The following ZMAT4 variants were observed in gnomAD, a reference collection of about 807,000 sequenced individuals.
The protein encoded by ZMAT4 is zinc finger matrin-type 4.
A neutral mutation model predicts 28.7 loss-of-function variants in ZMAT4; 17 were observed. The ratio of observed to expected loss-of-function variants is 0.59; its 90% CI spans 0.41 to 0.89. ZMAT4 has a LOEUF of 0.89. Among genes scored for constraint, ZMAT4 ranks in the 40% least tolerant of loss-of-function variants. ZMAT4 has a pLI of 0.00. For synonymous variants in ZMAT4, 117 were observed against 109.2 expected, an observed-to-expected ratio of 1.07 and a Z score of -0.44; for missense variants, 240 against 283.8, an observed-to-expected ratio of 0.85 and a Z score of 1.11.
chr8:40,777,380 T>C (rs531901213), intron 2 of ZMAT4, among the ~76,000 whole-genome samples: 2 of 152,320 alleles, frequency 1.3e-5, no homozygotes, highest in East Asian at 3.9e-4. Context: ...CAACCTAATC[T>C]GAATTCAGAC....
chr8:40,870,223 C>A (rs1163640716), intron 1 of ZMAT4, among the ~76,000 whole-genome samples: 1 of 152,154 alleles, frequency 6.6e-6, no homozygotes, highest in African/African-American at 2.4e-5. Context: ...AGCCTTTGTT[C>A]ATCATGCATT....
chr8:40,731,403 A>G (rs2150526357), intron 3 of ZMAT4, among the ~76,000 whole-genome samples: 1 of 132,390 alleles, frequency 7.6e-6, no homozygotes, highest in South Asian at 2.8e-4. Flanking sequence ...TGGCACAGAG[A>G]CAGCCTACAA....
intron 5 of ZMAT4, among the ~76,000 whole-genome samples, chr8:40,605,897 T>C (rs1017069572): frequency 1.3e-5 from 2 of 152,236 alleles, no homozygotes; most frequent in Non-Finnish European, 2.9e-5. Flanking sequence ...TATTTTCCTG[T>C]TGGACTAGTA....
At chr8:40,786,318 C>T (rs999112742) in intron 2 of ZMAT4, among the ~76,000 whole-genome samples, 3 of 152,050 alleles carry the variant, frequency 2.0e-5, no homozygotes, top group Non-Finnish European at 4.4e-5. Context: ...TATTAATATT[C>T]GTAGGCTTTT....
chr8:40,641,922 G>A (rs143580344), intron 5 of ZMAT4, among the ~76,000 whole-genome samples: 17 of 151,958 alleles, frequency 1.1e-4, no homozygotes, highest in Non-Finnish European at 1.6e-4. Flanking sequence ...GCGAGAATCC[G>A]TCTAAAATAA....
intron 3 of ZMAT4, among the ~76,000 whole-genome samples, chr8:40,736,738 C>T (rs1348365389): frequency 6.6e-6 from 1 of 152,164 alleles, no homozygotes; most frequent in Non-Finnish European, 1.5e-5. Flanking sequence ...CAATTGAGAA[C>T]AGTCCTCTGG....
intron 6 of ZMAT4, among the ~76,000 whole-genome samples, chr8:40,551,982 G>C (rs1055821645): frequency 6.6e-6 from 1 of 152,128 alleles, no homozygotes; most frequent in African/African-American, 2.4e-5. Flanking sequence ...AAATGTGCAC[G>C]CCTTAAGAAC....
chr8:40,839,496 T>C (rs1171113512), intron 1 of ZMAT4, among the ~76,000 whole-genome samples: 1 of 152,130 alleles, frequency 6.6e-6, no homozygotes, highest in Non-Finnish European at 1.5e-5. Flanking sequence ...GGAAAAGAAA[T>C]CAATATACCA....
intron 2 of ZMAT4, chr8:40,808,466 T>G (rs1177316262): frequency 2.3e-6 from 1 of 433,340 alleles, no homozygotes; most frequent in Non-Finnish European, 4.6e-6. Flanking sequence ...GTTAACATCT[T>G]TCTAACGGTT....
At chr8:40,634,617 A>C (rs930923510) in intron 5 of ZMAT4, among the ~76,000 whole-genome samples, 8 of 152,214 alleles carry the variant, frequency 5.3e-5, no homozygotes, top group African/African-American at 1.7e-4. Context: ...AGAAGTTTTA[A>C]GTCTATATGC....
intron 3 of ZMAT4, among the ~76,000 whole-genome samples, chr8:40,719,294 T>G (rs1201467070): frequency 6.6e-6 from 1 of 151,912 alleles, no homozygotes; most frequent in Non-Finnish European, 1.5e-5. Context: ...CACAAAAAAA[T>G]TACCCAGGCG....
chr8:40,796,746 T>G (rs538486525), intron 2 of ZMAT4, among the ~76,000 whole-genome samples: 22 of 152,330 alleles, frequency 1.4e-4, no homozygotes, highest in African/African-American at 5.3e-4. Flanking sequence ...CCCTTTTGCT[T>G]CTTCATCAGA....
intron 1 of ZMAT4, among the ~76,000 whole-genome samples, chr8:40,883,289 C>T (rs1380370522): frequency 6.6e-6 from 1 of 152,186 alleles, no homozygotes; most frequent in Non-Finnish European, 1.5e-5. Flanking sequence ...TCCTTCCTGA[C>T]AAGTCACATG....
chr8:40,554,725 G>T (rs1035163483), intron 6 of ZMAT4, among the ~76,000 whole-genome samples: 1 of 152,058 alleles, frequency 6.6e-6, no homozygotes, highest in South Asian at 2.1e-4. Flanking sequence ...GTGATATATT[G>T]TTACACACAT....
At chr8:40,718,624 A>G (rs1212095111) in intron 3 of ZMAT4, among the ~76,000 whole-genome samples, 1 of 152,214 alleles carries the variant, frequency 6.6e-6, no homozygotes, top group Non-Finnish European at 1.5e-5. Context: ...GAGAACAGCT[A>G]CTGCACAATT....
chr8:40,890,675 G>GT (rs1818636563), intron 1 of ZMAT4, among the ~76,000 whole-genome samples: 1 of 152,142 alleles, frequency 6.6e-6, no homozygotes, highest in Non-Finnish European at 1.5e-5. Context: ...CTGCCTGACA[G>GT]TTTTCTGCTC....
rs75785542 is a variant in ZMAT4 at position 40,877,132 on chromosome 8, G to A, written c.-5+20551C>T. 4.4e-3 allele frequency among the ~76,000 whole-genome samples: 665 copies of A among 152,308 alleles called. 6 individuals are homozygous for A. The highest frequency in any genetic ancestry group is 0.015 in the African/African-American group (631 of 41,564). The stretch of plus-strand genomic sequence containing the variant: ...GGACACAGTGACAGACACGCATAGA[G>A]GGAAGATGCGATGAAGACCCACAGG... On this transcript the variant is annotated intron_variant, in intron 1 of 6. Transcript: ENST00000297737.
At chr8:40,538,633 T>C (rs1802924442) in intron 6 of ZMAT4, among the ~76,000 whole-genome samples, 3 of 152,182 alleles carry the variant, frequency 2.0e-5, no homozygotes, top group African/African-American at 7.2e-5. Context: ...TTCTATTCAC[T>C]TACAGAACTC....
rs540847405 is a variant in ZMAT4, at chr8:40,895,578, G to C, written c.-5+2105C>G. Among the ~76,000 whole-genome samples, 7 of 152,304 alleles carry C rather than the reference G, an allele frequency of 4.6e-5. No individual in the cohort carries two copies. In the South Asian group the frequency reaches 1.4e-3, roughly 32 times the overall value. ...AGGAGGAGGCAGAGGGAAGGAAAGC[G>C]AGCGCTCCAGCGTGTCCCACTTGTA... On this transcript the variant is annotated intron_variant, in intron 1 of 6. Transcript: ENST00000297737.
Sources: gnomAD v4.1 joint callset for allele counts (sites outside exome capture counted in the v4.1 genomes callset) on GRCh38, gnomAD v4.1.1 for gene constraint, MANE v1.5 for transcripts, NCBI Gene and HGNC (gene_info 2026-07-23, HGNC 2026-07-21) for gene names.